KLHL1: variants seen among roughly 807,000 people sequenced by gnomAD.
KLHL1 encodes the protein kelch like family member 1.
Under a neutral mutation model 77.7 loss-of-function variants are expected in KLHL1, and 47 were observed. The observed-to-expected ratio is 0.60, with a 90% confidence interval of 0.48 to 0.77. The LOEUF (loss-of-function observed/expected upper bound fraction) is 0.77, where lower values mean the gene tolerates loss of function less well. Among genes scored for constraint, KLHL1 ranks in the 30% least tolerant of loss-of-function variants. KLHL1 has a pLI of 0.00. For missense variants in KLHL1, 925 were observed against 910.8 expected, an observed-to-expected ratio of 1.02 and a Z score of -0.20; for synonymous variants, 360 against 325.2, an observed-to-expected ratio of 1.11 and a Z score of -1.15.
chr13:69,884,069 A>AT (rs1393429749), intron 4 of KLHL1, among the ~76,000 whole-genome samples: 1 of 152,200 alleles, frequency 6.6e-6, no homozygotes, highest in Non-Finnish European at 1.5e-5. Context: ...GCAAGTGACC[A>AT]TTAATCTGTA....
chr13:69,760,434 C>A (rs918142791), intron 7 of KLHL1, among the ~76,000 whole-genome samples: 2 of 152,096 alleles, frequency 1.3e-5, no homozygotes, highest in African/African-American at 4.8e-5. Context: ...CAGCTCACTG[C>A]AACCTCGGCC....
At chr13:69,995,446 A>G (rs2137318490) in intron 1 of KLHL1, among the ~76,000 whole-genome samples, 1 of 152,228 alleles carries the variant, frequency 6.6e-6, no homozygotes, top group South Asian at 2.1e-4. Context: ...GCATTGAGTC[A>G]TCATGTATTA....
At chr13:70,022,293 GTGTGTGTGTGTA>G (rs879945243) in intron 1 of KLHL1, among the ~76,000 whole-genome samples, 144 of 91,538 alleles carry the variant, frequency 1.6e-3, no homozygotes, top group African/African-American at 6.4e-3. Context: ...GTGTGTGTGT[GTGTGTGTGTGTA>G]TGTGTTTGGT....
chr13:70,078,536 A>C (rs1247542351), intron 1 of KLHL1, among the ~76,000 whole-genome samples: 1 of 152,096 alleles, frequency 6.6e-6, no homozygotes, highest in East Asian at 1.9e-4. Flanking sequence ...AGTGAAGGGT[A>C]TTGGCTTGGC....
intron 1 of KLHL1, among the ~76,000 whole-genome samples, chr13:70,038,389 T>G (rs1199364917): frequency 2.0e-5 from 3 of 152,116 alleles, no homozygotes; most frequent in Non-Finnish European, 4.4e-5. Context: ...TATGTAGACA[T>G]GAGTATTCAG....
chr13:69,733,646 C>T (rs9529632), intron 8 of KLHL1, among the ~76,000 whole-genome samples: 3,628 of 152,200 alleles, frequency 0.024, 57 homozygotes, highest in Middle Eastern at 0.034. Context: ...TGTGATAGCA[C>T]TAGTCATCAG....
chr13:69,861,961 G>A (rs1038277346), intron 5 of KLHL1, among the ~76,000 whole-genome samples: 14 of 108,456 alleles, frequency 1.3e-4, no homozygotes, highest in African/African-American at 1.7e-4. Flanking sequence ...GCGAAACTCC[G>A]TCTCAAAATA....
rs373423751 is a variant in KLHL1 at position 70,107,133 on chromosome 13, A to T, written c.497+70T>A. On this transcript the variant is annotated intron_variant, in intron 1 of 10. Coordinates refer to ENST00000377844, the MANE Select transcript of KLHL1 (RefSeq NM_020866.3). ...CTGAAACATTTTAGACTTAGTAGCC[A>T]CATGAGCACACGCGGTGAAATGAGT... is the stretch of plus-strand genomic sequence containing the variant. 1.1e-5 allele frequency: 17 copies of T among 1,519,798 alleles called. No homozygotes were observed. The African/African-American group carries it at 2.4e-4, about 21-fold the overall frequency. The allele number at this position is 1,519,798 out of a possible 1,614,324, so 94.1% of individuals were successfully genotyped here. A position where few individuals can be genotyped will look rare whatever the true frequency, so the allele number is the denominator to read the frequency against.
chr13:69,930,812 C>A (rs1593959958), intron 4 of KLHL1, among the ~76,000 whole-genome samples: 1 of 151,578 alleles, frequency 6.6e-6, no homozygotes, highest in Non-Finnish European at 1.5e-5. Context: ...TTCCTTAAAA[C>A]TACAGCCTTT....
Position 69,740,510 on chromosome 13 carries a change from A to G in KLHL1, c.1686T>C (p.Asp562=). ...CCACTGTATTCAGATAGCTCCAGCC[A>G]TCATGGCCTCCCACAGCATAAATAG... is the stretch of plus-strand genomic sequence containing the variant. ...EGPIYAVGGH[D]GWSYLNTVER... The change falls in exon 8 of 11, where the codon GAT becomes GAC. Residue 562 remains aspartate, a synonymous_variant. Transcript: ENST00000377844. 12 of 1,612,794 alleles carry G rather than the reference A, an allele frequency of 7.4e-6. No homozygotes were observed. The highest frequency in any genetic ancestry group is 1.0e-5 in the Non-Finnish European group (12 of 1,179,034).
chr13:70,083,495 T>C (rs1028194956), intron 1 of KLHL1, among the ~76,000 whole-genome samples: 1 of 152,198 alleles, frequency 6.6e-6, no homozygotes, highest in Non-Finnish European at 1.5e-5. Flanking sequence ...AATGAGATAC[T>C]TATTAATTTT....
At chr13:69,714,292 G>A (rs1260815259) in intron 9 of KLHL1, among the ~76,000 whole-genome samples, 1 of 152,104 alleles carries the variant, frequency 6.6e-6, no homozygotes, top group Non-Finnish European at 1.5e-5. Context: ...GAGGAGAAAT[G>A]AGTTGTTGAC....
intron 1 of KLHL1, among the ~76,000 whole-genome samples, chr13:69,977,087 A>G (rs1426059755): frequency 3.9e-5 from 6 of 152,060 alleles, no homozygotes; most frequent in East Asian, 1.9e-4. Flanking sequence ...CAAACAATAT[A>G]GTTTATATTT....
rs112395185 is a variant in KLHL1 at position 70,097,274 on chromosome 13, T to A, written c.497+9929A>T. Among the ~76,000 whole-genome samples the A allele has an allele frequency of 8.7e-4, 132 of 152,116 alleles. 1 individual carries two copies. Among genetic ancestry groups the A allele is most frequent in the African/African-American group, 2.7e-3 (112 of 41,546 alleles). ...GCATTTGCTATATCAAGAATAGATTTTAAAATAAATAAAACTGAAACAACA... is the reference window on the plus strand; with the variant it reads ...GCATTTGCTATATCAAGAATAGATTATAAAATAAATAAAACTGAAACAACA... On this transcript the variant is annotated intron_variant, in intron 1 of 10. Coordinates refer to ENST00000377844, the MANE Select transcript of KLHL1 (RefSeq NM_020866.3).
intron 7 of KLHL1, among the ~76,000 whole-genome samples, chr13:69,793,830 C>T (rs1012212753): frequency 1.3e-5 from 2 of 152,052 alleles, no homozygotes; most frequent in African/African-American, 4.8e-5. Flanking sequence ...TCATTTGTGA[C>T]GTTCTGAGTG....
intron 4 of KLHL1, among the ~76,000 whole-genome samples, chr13:69,920,911 T>C (rs1882611463): frequency 6.6e-6 from 1 of 152,138 alleles, no homozygotes; most frequent in East Asian, 1.9e-4. Flanking sequence ...AAAAAATACA[T>C]AAGCAGTCAT....
At chr13:69,732,202 T>G (rs779035914) in intron 8 of KLHL1, among the ~76,000 whole-genome samples, 1 of 152,152 alleles carries the variant, frequency 6.6e-6, no homozygotes, top group Non-Finnish European at 1.5e-5. Context: ...AGGAGACTTA[T>G]GGCAAAGAAA....
At chr13:69,707,944 A>G (rs1190147911) in intron 9 of KLHL1, 148 bp from the exon 10 acceptor site, 13 of 583,612 alleles carry the variant, frequency 2.2e-5, no homozygotes, top group South Asian at 2.1e-4. Flanking sequence ...GGTATTCTAG[A>G]ATGAACATCC....
chr13:70,088,073 TTAAAA>T (rs1262432896), intron 1 of KLHL1, among the ~76,000 whole-genome samples: 2 of 152,260 alleles, frequency 1.3e-5, no homozygotes, highest in East Asian at 1.9e-4. Context: ...ATGCTAGAAC[TTAAAA>T]TAAAACAAAA....
Sources: gnomAD v4.1 joint callset for allele counts (sites outside exome capture counted in the v4.1 genomes callset) on GRCh38, gnomAD v4.1.1 for gene constraint, MANE v1.5 for transcripts, NCBI Gene and HGNC (gene_info 2026-07-23, HGNC 2026-07-21) for gene names.